VPS53: variants seen among roughly 807,000 people sequenced by gnomAD.
The protein encoded by VPS53 is VPS53 subunit of GARP complex.
A neutral mutation model predicts 107.0 loss-of-function variants in VPS53; 70 were observed. The observed-to-expected ratio is 0.65, with a 90% CI of 0.54 to 0.80. The LOEUF (loss-of-function observed/expected upper bound fraction) is 0.80, where lower values mean the gene tolerates loss of function less well. Ranked by LOEUF, VPS53 falls within the 30% of genes least tolerant of loss-of-function variation. VPS53 has a pLI of 0.00. For missense variants in VPS53, 917 were observed against 1,049.4 expected (o/e 0.87, Z 1.74); for synonymous variants, 409 against 393.3 (o/e 1.04, Z -0.47).
At chr17:690,063 G>A (rs1972726616) in intron 4 of VPS53, among the ~76,000 whole-genome samples, 1 of 151,652 alleles carries the variant, frequency 6.6e-6, no homozygotes, top group Non-Finnish European at 1.5e-5. Context: ...GGAAGCCTCT[G>A]ACGGCACGTC....
In VPS53 at chr17:677,990, G is replaced by A. The variant is rs529406159; in HGVS notation, c.286-16095C>T. ...AAAAAAATTAGCCAGGCGTGGTGGC[G>A]AGTGCCTGTAGTCCCAGCTACTCAG... On this transcript the variant is annotated intron_variant, in intron 4 of 21. Coordinates refer to ENST00000437048, the MANE Select transcript of VPS53 (RefSeq NM_001128159.3). Among the ~76,000 whole-genome samples the A allele has an allele frequency of 9.2e-5, 14 of 152,114 alleles. No individual in the cohort carries two copies. The South Asian group carries it at 1.5e-3, about 16-fold the overall frequency.
intron 7 of VPS53, among the ~76,000 whole-genome samples, chr17:634,831 T>A (rs1362531872): frequency 6.6e-6 from 1 of 151,228 alleles, no homozygotes; most frequent in African/African-American, 2.4e-5. Flanking sequence ...GTCTTTGCTA[T>A]TGTGAATAGT....
At position 699,378 on chromosome 17, in the gene VPS53, A is replaced by G. The variant is rs780924230; in HGVS notation, c.171T>C (p.Ser57=). ...TCACGACTTCGTCTATGTTCGCCAG[A>G]GACTACAATAAAGAAGGAAGAGTGC... ...YINTLFPTEQ[S]LANIDEVVNK... is the part of the protein sequence containing the mutation. The change falls in exon 3 of 22, where the codon TCT becomes TCC. Residue 57 remains serine, a splice_region_variant and synonymous_variant. Transcript: ENST00000437048. 9 of 1,564,730 alleles carry G rather than the reference A, an allele frequency of 5.8e-6. No individual in the cohort carries two copies. Among genetic ancestry groups the G allele is most frequent in the African/African-American group, 1.4e-5 (1 of 72,034 alleles).
chr17:564,363 C>A (rs1356441810), intron 13 of VPS53, among the ~76,000 whole-genome samples: 1 of 150,710 alleles, frequency 6.6e-6, no homozygotes, highest in South Asian at 2.1e-4. Flanking sequence ...GTTGAAACCC[C>A]GTCTCTACTA....
intron 1 of VPS53, 137 bp downstream of exon 1, chr17:714,486 C>A (rs1353482734): frequency 1.7e-5 from 13 of 756,578 alleles, no homozygotes; most frequent in Admixed American, 2.7e-5. Context: ...CTCACCCGCA[C>A]CACCTCCCCA....
At chr17:626,894 A>G (rs945677302) in intron 10 of VPS53, among the ~76,000 whole-genome samples, 1 of 152,218 alleles carries the variant, frequency 6.6e-6, no homozygotes, top group African/African-American at 2.4e-5. Flanking sequence ...AACGTGGGGT[A>G]GAGGAATCAC....
intron 7 of VPS53, among the ~76,000 whole-genome samples, chr17:648,881 T>C (rs1415807782): frequency 8.4e-6 from 1 of 119,306 alleles, no homozygotes; most frequent in Admixed American, 8.7e-5. Flanking sequence ...GACAGAGGAA[T>C]GGAACAGGCA....
intron 7 of VPS53, among the ~76,000 whole-genome samples, chr17:639,201 G>GA (rs760693621): frequency 3.3e-4 from 51 of 152,250 alleles, no homozygotes; most frequent in Non-Finnish European, 6.0e-4. Flanking sequence ...TCTTCCAGTT[G>GA]ATCGAATTGG....
At chr17:632,201 TCA>T (rs1483238967) in intron 7 of VPS53, among the ~76,000 whole-genome samples, 1 of 151,880 alleles carries the variant, frequency 6.6e-6, no homozygotes, top group Non-Finnish European at 1.5e-5. Context: ...TGAGCTATGA[TCA>T]CACCACAGCA....
At chr17:707,041 G>A (rs770829084) in intron 2 of VPS53, among the ~76,000 whole-genome samples, 1 of 152,250 alleles carries the variant, frequency 6.6e-6, no homozygotes, top group South Asian at 2.1e-4. Context: ...AACCTCCAGA[G>A]CAGGGTGCGA....
intron 5 of VPS53, chr17:657,610 A>G: frequency 2.9e-6 from 2 of 701,034 alleles, no homozygotes; most frequent in Non-Finnish European, 5.0e-6. Context: ...AAGTTTCTTA[A>G]TAGCAATTTG....
intron 12 of VPS53, among the ~76,000 whole-genome samples, chr17:589,170 T>C: frequency 6.6e-6 from 1 of 152,024 alleles, no homozygotes; most frequent in African/African-American, 2.4e-5. Flanking sequence ...ATTTACATAA[T>C]ACAGAATGTT....
chr17:593,079 A>G (rs1967757442), intron 12 of VPS53, among the ~76,000 whole-genome samples: 1 of 152,174 alleles, frequency 6.6e-6, no homozygotes, highest in Non-Finnish European at 1.5e-5. Context: ...TATTTAATAA[A>G]TGGTGCTGGG....
At chr17:671,942 C>G (rs1971965189) in intron 4 of VPS53, among the ~76,000 whole-genome samples, 1 of 152,072 alleles carries the variant, frequency 6.6e-6, no homozygotes, top group Admixed American at 6.5e-5. Flanking sequence ...TTACCTCGGC[C>G]TCCCAACATG....
At chr17:658,227 G>GAC (rs1971284497) in intron 5 of VPS53, among the ~76,000 whole-genome samples, 1 of 104,004 alleles carries the variant, frequency 9.6e-6, no homozygotes, top group African/African-American at 3.0e-5. Flanking sequence ...ATTGAAGTGA[G>GAC]ACACTCGGCC....
intron 10 of VPS53, among the ~76,000 whole-genome samples, chr17:625,427 A>C (rs533152902): frequency 1.3e-5 from 2 of 151,442 alleles, no homozygotes; most frequent in Non-Finnish European, 2.9e-5. Context: ...ATGCCTGTGA[A>C]TAGCCATTGT....
At chr17:680,691 G>A (rs577426033) in intron 4 of VPS53, among the ~76,000 whole-genome samples, 4 of 152,142 alleles carry the variant, frequency 2.6e-5, no homozygotes, top group African/African-American at 4.8e-5. Context: ...TGTCAGCTCC[G>A]GGAGAGAAGT....
intron 7 of VPS53, among the ~76,000 whole-genome samples, chr17:648,868 G>T (rs1463988684): frequency 1.2e-4 from 16 of 128,032 alleles, no homozygotes; most frequent in African/African-American, 4.4e-4. Context: ...TCTTACACTG[G>T]AGGACAGAGG....
At chr17:683,723 T>C (rs1972484288) in intron 4 of VPS53, among the ~76,000 whole-genome samples, 1 of 152,188 alleles carries the variant, frequency 6.6e-6, no homozygotes, top group African/African-American at 2.4e-5. Context: ...AATAGCTGGG[T>C]GTGGTGGCAC....
Sources: allele counts gnomAD v4.1 joint callset (sites outside exome capture counted in the v4.1 genomes callset), GRCh38; gene constraint gnomAD v4.1.1; transcripts MANE v1.5; gene names NCBI Gene and HGNC (gene_info 2026-07-23, HGNC 2026-07-21).